The following TCF12 variants were observed in gnomAD, a reference collection of about 807,000 sequenced individuals.
TCF12 encodes DNA-binding protein HTF4.
In TCF12, 45 loss-of-function variants were observed where a neutral mutation model predicts 86.0. The ratio of observed to expected loss-of-function variants is 0.52; its 90% CI spans 0.41 to 0.67. TCF12 has a LOEUF of 0.67. Among genes scored for constraint, TCF12 ranks in the 30% least tolerant of loss-of-function variants. The probability of loss-of-function intolerance (pLI) is 0.00; values close to 1 mark genes in which losing one functional copy is unlikely to be tolerated. For missense variants in TCF12, 881 were observed against 859.9 expected (o/e 1.02, Z -0.31); for synonymous variants, 330 against 299.6 (o/e 1.10, Z -1.05).
At chr15:57,024,795 A>T (rs531803306) in intron 3 of TCF12, among the ~76,000 whole-genome samples, 1 of 152,350 alleles carries the variant, frequency 6.6e-6, no homozygotes, top group Non-Finnish European at 1.5e-5. Context: ...CACATATAAA[A>T]GAACCATGCA....
At chr15:57,012,023 A>C (rs7168945) in intron 3 of TCF12, among the ~76,000 whole-genome samples, 109,912 of 152,024 alleles carry the variant, frequency 0.72, 40,014 homozygotes, top group East Asian at 0.79. Flanking sequence ...TGAATCATTT[A>C]TAAGTGTTTG....
intron 7 of TCF12, 113 bp from the exon 8 acceptor site, chr15:57,197,660 C>A (rs2057338151): frequency 1.6e-6 from 2 of 1,235,732 alleles, no homozygotes; most frequent in East Asian, 2.4e-5. Context: ...CTGCTTACTC[C>A]CAAATATTGG....
chr15:57,213,108 C>T (rs2058184003), intron 8 of TCF12, among the ~76,000 whole-genome samples: 2 of 152,170 alleles, frequency 1.3e-5, no homozygotes, highest in East Asian at 1.9e-4. Context: ...TGAAGCATAA[C>T]CAAATACTGG....
intron 3 of TCF12, among the ~76,000 whole-genome samples, chr15:57,001,788 T>C (rs1182221909): frequency 6.6e-6 from 1 of 152,192 alleles, no homozygotes; most frequent in Non-Finnish European, 1.5e-5. Context: ...TGGTTCCTAG[T>C]TCTGCCTGCT....
chr15:56,958,503 C>A (rs2061591645), intron 3 of TCF12, among the ~76,000 whole-genome samples: 1 of 152,130 alleles, frequency 6.6e-6, no homozygotes, highest in Admixed American at 6.6e-5. Context: ...AAATGCATTC[C>A]TCATTTGATA....
chr15:57,237,146 A>AGT (rs202142819), intron 12 of TCF12, among the ~76,000 whole-genome samples: 2,758 of 150,288 alleles, frequency 0.018, 53 homozygotes, highest in Admixed American at 0.034. Flanking sequence ...AGAGAGAGAG[A>AGT]GAGTGTGTGT....
intron 6 of TCF12, among the ~76,000 whole-genome samples, chr15:57,174,220 A>G (rs1204529326): frequency 6.6e-6 from 1 of 152,198 alleles, no homozygotes; most frequent in East Asian, 1.9e-4. Flanking sequence ...TACTCAAACA[A>G]CACGTGTGGT....
In TCF12 at chr15:57,260,240, C is replaced by CT. The variant is rs556666395; in HGVS notation, c.1468-1853dup. 3.2e-4 allele frequency among the ~76,000 whole-genome samples: 49 copies of CT among 152,138 alleles called. 2 individuals carry two copies. The South Asian group carries it at 8.3e-3, about 26-fold the overall frequency. On this transcript the variant is annotated intron_variant, in intron 16 of 20. Coordinates refer to ENST00000333725, the MANE Select transcript of TCF12 (RefSeq NM_207037.2). ...TTTCCTTAAGGGAAAAGTAAAATTT[C>CT]TAAGATTTATTATTTAGGTAATGAT...
intron 5 of TCF12, among the ~76,000 whole-genome samples, chr15:57,106,351 A>G (rs1178659998): frequency 6.6e-6 from 1 of 152,244 alleles, no homozygotes; most frequent in African/African-American, 2.4e-5. Context: ...ACTGGATGAA[A>G]AGTACATGGG....
downstream of TCF12, chr15:57,290,907 AC>A (rs1321302761): frequency 6.6e-6 from 1 of 152,132 alleles, no homozygotes; most frequent in African/African-American, 2.4e-5. Context: ...GCAAAATAAA[AC>A]CAAAGGGTCT....
intron 3 of TCF12, among the ~76,000 whole-genome samples, chr15:56,931,183 G>T (rs1290479892): frequency 2.0e-5 from 3 of 151,900 alleles, no homozygotes; most frequent in Non-Finnish European, 4.4e-5. Flanking sequence ...AAATTGTGGT[G>T]GACTTGTTTA....
In TCF12 at chr15:56,949,458, G is replaced by A. The variant is rs145910169; in HGVS notation, c.148+28360G>A. Among the ~76,000 whole-genome samples, 609 of 152,294 alleles carry A rather than the reference G, an allele frequency of 4.0e-3. 6 individuals are homozygous for A. The highest frequency in any genetic ancestry group is 0.021 in the Admixed American group (323 of 15,302). ...CAGTCTGCAAAAAGGAAAAAGGCTT[G>A]AAACTCAGTTATGTATGAATTAAAA... On this transcript the variant is annotated intron_variant, in intron 3 of 20. Coordinates refer to ENST00000333725, the MANE Select transcript of TCF12 (RefSeq NM_207037.2).
At chr15:57,001,763 A>G (rs2064051225) in intron 3 of TCF12, among the ~76,000 whole-genome samples, 1 of 152,172 alleles carries the variant, frequency 6.6e-6, no homozygotes, top group South Asian at 2.1e-4. Context: ...TCAATAGGAC[A>G]TATTTTCGAG....
At chr15:57,207,260 A>C (rs1240727050) in intron 8 of TCF12, among the ~76,000 whole-genome samples, 1 of 152,232 alleles carries the variant, frequency 6.6e-6, no homozygotes, top group Non-Finnish European at 1.5e-5. Flanking sequence ...AAAATTAAGA[A>C]TATCTTCCAT....
At chr15:56,961,141 A>G (rs1423391297) in intron 3 of TCF12, among the ~76,000 whole-genome samples, 6 of 152,120 alleles carry the variant, frequency 3.9e-5, no homozygotes, top group Non-Finnish European at 8.8e-5. Context: ...AAAAAAAAAA[A>G]AAAATCAGTT....
chr15:57,234,341 T>G (rs2059293641), intron 12 of TCF12, among the ~76,000 whole-genome samples: 1 of 152,242 alleles, frequency 6.6e-6, no homozygotes, highest in Non-Finnish European at 1.5e-5. Flanking sequence ...CTGCCAAGAT[T>G]AATCATTAAA....
chr15:57,219,681 T>G (rs2058490774), intron 8 of TCF12: 2 of 1,269,884 alleles, frequency 1.6e-6, no homozygotes, highest in Non-Finnish European at 2.2e-6. Context: ...TGTGAGGTTT[T>G]GTTTTATCCT....
At chr15:57,280,773 G>A (rs1160299418) in intron 19 of TCF12, among the ~76,000 whole-genome samples, 1 of 152,138 alleles carries the variant, frequency 6.6e-6, no homozygotes, top group Non-Finnish European at 1.5e-5. Context: ...TATCGGCTAT[G>A]CCCTCATTTC....
chr15:57,143,312 A>G (rs1318078423), intron 5 of TCF12, among the ~76,000 whole-genome samples: 2 of 152,164 alleles, frequency 1.3e-5, no homozygotes, highest in African/African-American at 4.8e-5. Flanking sequence ...TGGTTCTGTC[A>G]TGCTTATTTG....
Sources: gnomAD v4.1 joint callset for allele counts (sites outside exome capture counted in the v4.1 genomes callset) on GRCh38, gnomAD v4.1.1 for gene constraint, MANE v1.5 for transcripts, NCBI Gene and HGNC (gene_info 2026-07-23, HGNC 2026-07-21) for gene names.